The following CTTNBP2 variants were observed in gnomAD, a reference collection of about 807,000 sequenced individuals.
The protein encoded by CTTNBP2 is cortactin binding protein 2.
In CTTNBP2, 108 loss-of-function variants were observed where a neutral mutation model predicts 156.9. The ratio of observed to expected loss-of-function variants is 0.69; its 90% CI spans 0.59 to 0.81. The LOEUF (loss-of-function observed/expected upper bound fraction) is 0.81, where lower values mean the gene tolerates loss of function less well. Among genes scored for constraint, CTTNBP2 ranks in the 30% least tolerant of loss-of-function variants. The pLI is 0.00. For missense variants in CTTNBP2, 1,924 were observed against 2,035.4 expected, an observed-to-expected ratio of 0.95 and a Z score of 1.05; for synonymous variants, 767 against 751.8, an observed-to-expected ratio of 1.02 and a Z score of -0.33.
intron 2 of CTTNBP2, among the ~76,000 whole-genome samples, chr7:117,817,326 T>A (rs1199827739): frequency 1.9e-5 from 1 of 51,590 alleles, no homozygotes; most frequent in Non-Finnish European, 3.6e-5. Flanking sequence ...AGAGCAAGAC[T>A]CCATCTCAAA....
At chr7:117,785,752 G>A (rs769452804) in intron 4 of CTTNBP2, among the ~76,000 whole-genome samples, 1 of 152,160 alleles carries the variant, frequency 6.6e-6, no homozygotes, top group Non-Finnish European at 1.5e-5. Context: ...ACCTGTAAAA[G>A]AAAATTAAAA....
At chr7:117,818,869 T>A (rs1800780538) in intron 2 of CTTNBP2, among the ~76,000 whole-genome samples, 1 of 152,166 alleles carries the variant, frequency 6.6e-6, no homozygotes, top group Non-Finnish European at 1.5e-5. Flanking sequence ...AATAAAGAAT[T>A]TTTAAGGGTC....
At chr7:117,845,137 C>T (rs1297540406) in intron 2 of CTTNBP2, among the ~76,000 whole-genome samples, 5 of 152,092 alleles carry the variant, frequency 3.3e-5, no homozygotes, top group Admixed American at 3.3e-4. Flanking sequence ...TTTAATTTCA[C>T]TGGCACCAGG....
rs375801093 is a variant in CTTNBP2 at position 117,791,731 on chromosome 7, G to A, written c.1465C>T (p.Arg489Trp). 20 of 1,614,178 alleles carry A rather than the reference G, an allele frequency of 1.2e-5. No individual in the cohort carries two copies. Among genetic ancestry groups the A allele is most frequent in the South Asian group, 4.4e-5 (4 of 91,082 alleles). The change falls in exon 4 of 23, where the codon CGG becomes TGG. Residue 489 changes from arginine (R) to tryptophan (W), a missense_variant. Physicochemically the swap from Arg to Trp is moderately radical, Grantham distance 101. Transcript: ENST00000160373. Reference protein sequence around the residue: ...RDNLVAKQLARNTVTQALSRF... With the variant: ...RDNLVAKQLAWNTVTQALSRF... ...GACAGTGCTTGGGTCACAGTATTCC[G>A]AGCTAGTTGTTTGGCCACTAGGTTG...
At chr7:117,788,491 G>A (rs1454488738) in intron 4 of CTTNBP2, among the ~76,000 whole-genome samples, 2 of 152,168 alleles carry the variant, frequency 1.3e-5, no homozygotes, top group East Asian at 3.9e-4. Flanking sequence ...ATCAGTGGCT[G>A]TTTGGAAGGT....
At position 117,734,993 on chromosome 7, in the gene CTTNBP2, G is replaced by A. The variant is rs372382974; in HGVS notation, c.3796C>T (p.Arg1266Cys). ...GSDLLVQQHFRWVQLRWDGEP... is the reference protein window; with the variant it reads ...GSDLLVQQHFCWVQLRWDGEP... ...CCATCCCACCGCAGCTGCACCCAGC[G>A]GAAATGCTGCTGCACCAGCAAGTCG... is the stretch of plus-strand genomic sequence containing the variant. The change falls in exon 16 of 23, where the codon CGC becomes TGC. Residue 1266 changes from arginine to cysteine, a missense_variant. Transcript: ENST00000160373. 4.2e-5 allele frequency: 68 copies of A among 1,614,128 alleles called. No individual in the cohort carries two copies. Among genetic ancestry groups the A allele is most frequent in the African/African-American group, 5.3e-5 (4 of 75,056 alleles).
rs570929615 is a variant in CTTNBP2 at position 117,724,467 on chromosome 7, A to C, written c.4447+80T>G. On this transcript the variant is annotated intron_variant, in intron 19 of 22. Transcript: ENST00000160373. ...TTTTACCAAATGCATCGTGATAAAA[A>C]TGAAAGCATATTTGCTTTCAGACAC... 1.9e-4 allele frequency: 227 copies of C among 1,201,730 alleles called. 2 individuals are homozygous for C. In the South Asian group the frequency reaches 2.4e-3, roughly 12 times the overall value. 74.4% of individuals were successfully genotyped at this position (1,201,730 alleles called of 1,614,324 possible).
intron 14 of CTTNBP2, among the ~76,000 whole-genome samples, chr7:117,737,047 G>T (rs1795744458): frequency 6.6e-6 from 1 of 152,062 alleles, no homozygotes; most frequent in African/African-American, 2.4e-5. Flanking sequence ...TCTTCTGGAT[G>T]CTATGAAAAT....
intron 3 of CTTNBP2, among the ~76,000 whole-genome samples, chr7:117,807,884 T>C (rs537190714): frequency 1.3e-5 from 2 of 152,334 alleles, no homozygotes; most frequent in Non-Finnish European, 2.9e-5. Context: ...TGAACCACGA[T>C]GTAAGCCAAC....
intron 2 of CTTNBP2, among the ~76,000 whole-genome samples, chr7:117,856,249 C>T (rs1304550387): frequency 6.6e-6 from 1 of 152,206 alleles, no homozygotes; most frequent in East Asian, 1.9e-4. Context: ...TGCTTGCCCT[C>T]CATTTCCCAT....
At chr7:117,826,855 TTATTATTATTATTATTA>T (rs1012263659) in intron 2 of CTTNBP2, among the ~76,000 whole-genome samples, 6 of 147,670 alleles carry the variant, frequency 4.1e-5, no homozygotes, top group Non-Finnish European at 8.9e-5. Flanking sequence ...ATTATTATTA[TTATTATTATTATTATTA>T]TTATTTTGAG....
intron 9 of CTTNBP2, among the ~76,000 whole-genome samples, chr7:117,765,586 T>C (rs1797442287): frequency 6.6e-6 from 1 of 152,166 alleles, no homozygotes; most frequent in African/African-American, 2.4e-5. Context: ...ATGTCTGAGA[T>C]AGAAATTATA....
At chr7:117,746,652 A>G (rs572454479) in intron 12 of CTTNBP2, among the ~76,000 whole-genome samples, 4 of 152,256 alleles carry the variant, frequency 2.6e-5, no homozygotes, top group African/African-American at 9.6e-5. Flanking sequence ...AGATGGGTAC[A>G]TGAGTGTCAT....
chr7:117,833,766 G>A (rs1361587083), intron 2 of CTTNBP2, among the ~76,000 whole-genome samples: 1 of 152,182 alleles, frequency 6.6e-6, no homozygotes, highest in Non-Finnish European at 1.5e-5. Flanking sequence ...TTTATTGTGA[G>A]CACTTTACCT....
At chr7:117,801,720 T>A (rs913738721) in intron 3 of CTTNBP2, among the ~76,000 whole-genome samples, 1 of 152,094 alleles carries the variant, frequency 6.6e-6, no homozygotes, top group Non-Finnish European at 1.5e-5. Context: ...GGAAAAAACA[T>A]CTGTGTGTGT....
At chr7:117,843,702 C>A (rs1342861263) in intron 2 of CTTNBP2, among the ~76,000 whole-genome samples, 1 of 152,070 alleles carries the variant, frequency 6.6e-6, no homozygotes, top group Non-Finnish European at 1.5e-5. Context: ...TGACATGATC[C>A]CGATCTTGTT....
At chr7:117,754,274 T>C (rs565836193) in intron 12 of CTTNBP2, among the ~76,000 whole-genome samples, 32 of 152,308 alleles carry the variant, frequency 2.1e-4, no homozygotes, top group South Asian at 1.2e-3. Flanking sequence ...CATCTAAAAA[T>C]AGTGCTTTCT....
At chr7:117,775,467 T>A (rs1798042867) in intron 8 of CTTNBP2, among the ~76,000 whole-genome samples, 1 of 151,674 alleles carries the variant, frequency 6.6e-6, no homozygotes, top group Admixed American at 6.6e-5. Context: ...CTGAGCAGCA[T>A]CACAATTGCC....
chr7:117,718,216 ACTCTTATC>A, intron 21 of CTTNBP2, 97 bp from the exon 22 acceptor site: 1 of 710,904 alleles, frequency 1.4e-6, no homozygotes, highest in Non-Finnish European at 2.5e-6. Context: ...CAGAAGTGTT[ACTCTTATC>A]CTCTTCCCTG....
Sources: allele counts gnomAD v4.1 joint callset (sites outside exome capture counted in the v4.1 genomes callset), GRCh38; gene constraint gnomAD v4.1.1; transcripts MANE v1.5; gene names NCBI Gene and HGNC (gene_info 2026-07-23, HGNC 2026-07-21).